The following USP20 variants were observed in gnomAD, a reference collection of about 807,000 sequenced individuals.
The protein encoded by USP20 is ubiquitin carboxyl-terminal hydrolase 20.
In USP20, 80 loss-of-function variants were observed where a neutral mutation model predicts 124.2. That is an observed-to-expected ratio of 0.64 (90% CI 0.54 to 0.78). The LOEUF is 0.78. USP20 is among the 30% of genes least tolerant of loss of function. The probability of loss-of-function intolerance (pLI) is 0.00; values close to 1 mark genes in which losing one functional copy is unlikely to be tolerated. For synonymous variants in USP20, 481 were observed against 512.3 expected, an observed-to-expected ratio of 0.94 and a Z score of 0.83; for missense variants, 1,043 against 1,244.4, an observed-to-expected ratio of 0.84 and a Z score of 2.44.
chr9:129,869,515 C>A, intron 13 of USP20, 90 bp downstream of exon 13: 1 of 1,528,672 alleles, frequency 6.5e-7, no homozygotes. Flanking sequence ...GGGCTCTCCA[C>A]GGGTGCTCCC....
intron 4 of USP20, 38 bp from the exon 5 acceptor site, chr9:129,858,012 G>A: frequency 1.3e-6 from 2 of 1,588,048 alleles, no homozygotes; most frequent in Non-Finnish European, 1.7e-6. Context: ...CCATCCTTTT[G>A]GCAAGCTCCA....
In USP20 at chr9:129,873,680, G is replaced by T. The variant is rs1410890615; in HGVS notation, c.1695-19G>T. 1.9e-6 allele frequency: 3 copies of T among 1,613,696 alleles called. No homozygotes were observed. The highest frequency in any genetic ancestry group is 1.1e-5 in the South Asian group (1 of 91,086). The stretch of plus-strand genomic sequence containing the variant: ...GCCCTGATGCCGGACACTGATGCTG[G>T]CTCGTGCTTCCTCCCCAGGCTGCGG... On this transcript the variant is annotated intron_variant, in intron 16 of 25. Transcript: ENST00000372429.
In USP20 at chr9:129,863,039, G is replaced by A. The variant is rs1449515191; in HGVS notation, c.498-147G>A. The stretch of plus-strand genomic sequence containing the variant: ...TACAATTTTCTCATAACTGGTAGGA[G>A]CCTTCTAGTCACCTTCAGGAGTTTC... On this transcript the variant is annotated intron_variant, in intron 8 of 25. Transcript: ENST00000372429. 8 of 462,992 alleles carry A rather than the reference G, an allele frequency of 1.7e-5. No homozygotes were observed. The South Asian group carries it at 4.3e-4, about 25-fold the overall frequency. The allele number at this position is 462,992 out of a possible 1,614,324, so 28.7% of individuals were successfully genotyped here. A position where few individuals can be genotyped will look rare whatever the true frequency, so the allele number is the denominator to read the frequency against.
intron 10 of USP20, among the ~76,000 whole-genome samples, chr9:129,867,549 A>G (rs2033878827): frequency 6.6e-6 from 1 of 151,674 alleles, no homozygotes; most frequent in East Asian, 1.9e-4. Flanking sequence ...TTGGGGCAGG[A>G]CTCGGGTGAG....
In USP20 at chr9:129,879,602, A is replaced by G. The variant is rs1463540251; in HGVS notation, c.2542A>G (p.Ile848Val). Reference sequence around the variant, plus strand: ...CCCCGGGCCCATTGACAACAGCAGGATTGCACAGGTCAAAGGAAGCGGCCA... The same window carrying G: ...CCCCGGGCCCATTGACAACAGCAGGGTTGCACAGGTCAAAGGAAGCGGCCA... ...EPPGPIDNSR[I>V]AQVKGSGHVQ... The change falls in exon 24 of 26, where the codon ATT becomes GTT. Residue 848 changes from isoleucine (I) to valine (V), a missense_variant. Transcript: ENST00000372429. The surrounding 1 kb of genome is among the most constrained non-coding windows in gnomAD (Gnocchi z 4.2). 4 of 1,613,672 alleles carry G rather than the reference A, an allele frequency of 2.5e-6. No homozygotes were observed. Among genetic ancestry groups the G allele is most frequent in the Non-Finnish European group, 3.4e-6 (4 of 1,179,990 alleles).
chr9:129,868,207 A>G lies in USP20; in HGVS notation c.893A>G (p.Gln298Arg). The change falls in exon 11 of 26, where the codon CAG becomes CGG. Residue 298 changes from glutamine (Q) to arginine (R), a missense_variant. Gln to Arg is a conservative substitution (Grantham distance 43). Transcript: ENST00000372429. ...SSSDRGEGDGQGRGGGSSQAE... is the reference protein window; with the variant it reads ...SSSDRGEGDGRGRGGGSSQAE... ...AGTGACCGGGGTGAGGGTGACGGGC[A>G]GGGGCGTGGCGGGGGCAGCTCGCAG... is the stretch of plus-strand genomic sequence containing the variant. 6.2e-7 allele frequency: 1 copy of G among 1,613,946 alleles called. No individual in the cohort carries two copies. Among genetic ancestry groups the G allele is most frequent in the Non-Finnish European group, 8.5e-7 (1 of 1,179,906 alleles).
At chr9:129,863,617 C>T (rs72755298) in intron 9 of USP20, among the ~76,000 whole-genome samples, 2,035 of 152,292 alleles carry the variant, frequency 0.013, 35 homozygotes, top group South Asian at 0.064. Context: ...CATGGTGACC[C>T]GGCCTCAGCC....
At chr9:129,863,562 G>A (rs1041238713) in intron 9 of USP20, among the ~76,000 whole-genome samples, 3 of 152,338 alleles carry the variant, frequency 2.0e-5, no homozygotes, top group Admixed American at 2.0e-4. Context: ...TTGACCTACT[G>A]TTGACCCTAC....
At chr9:129,847,941 G>A (rs997584215) in intron 1 of USP20, among the ~76,000 whole-genome samples, 150 of 139,716 alleles carry the variant, frequency 1.1e-3, no homozygotes, top group African/African-American at 4.0e-3. Flanking sequence ...CTCTAAATCC[G>A]ACTCATGATT....
chr9:129,872,807 C>G (rs10116970), intron 15 of USP20, among the ~76,000 whole-genome samples: 129,689 of 152,034 alleles, frequency 0.85, 56,175 homozygotes, highest in East Asian at 1. Context: ...GAGCCTAGGA[C>G]TTTGGGACCA....
At chr9:129,851,309 G>C (rs2032908567) in intron 2 of USP20, among the ~76,000 whole-genome samples, 1 of 147,150 alleles carries the variant, frequency 6.8e-6, no homozygotes, top group Admixed American at 6.8e-5. Context: ...ACCCAGGCTG[G>C]AGTGCAGTGG....
At position 129,878,399 on chromosome 9, in the gene USP20, G is replaced by A. The variant is rs753426633; in HGVS notation, c.2471G>A (p.Trp824Ter). The change falls in exon 23 of 26, where the codon TGG becomes TAG. Residue 824 changes from tryptophan (W) to a stop codon, truncating the protein, a stop_gained. Coordinates refer to ENST00000372429, the MANE Select transcript of USP20 (RefSeq NM_001110303.4). LOFTEE classifies it high-confidence loss of function. ...GTCATCTACTGCATCAGCATGCAGT[G>A]GTTCCGGGAGTGGGAGGCGTTCGTC... ...PGVIYCISMQ[W>*]FREWEAFVKG... is the part of the protein sequence containing the mutation. 6 of 1,610,528 alleles carry A rather than the reference G, an allele frequency of 3.7e-6. No homozygotes were observed. The highest frequency in any genetic ancestry group is 5.1e-6 in the Non-Finnish European group (6 of 1,178,266).
At chr9:129,860,599 C>T (rs543332044) in intron 6 of USP20, among the ~76,000 whole-genome samples, 2 of 152,202 alleles carry the variant, frequency 1.3e-5, no homozygotes, top group East Asian at 3.9e-4. Context: ...GTGCATGCAC[C>T]TGTAGTCTCA....
Position 129,868,108 on chromosome 9 carries a change from C to A in USP20, c.794C>A (p.Ser265Ter). ...VALTEARDSDSSDTDEKREGD... is the reference protein window; with the variant it reads ...VALTEARDSD ...CTGACGGAGGCTCGGGACTCAGATT[C>A]GAGTGACACGGATGAGAAACGGGAG... The change falls in exon 11 of 26, where the codon TCG becomes TAG. Residue 265 changes from serine to a stop codon, truncating the protein, a stop_gained. Coordinates refer to ENST00000372429, the MANE Select transcript of USP20 (RefSeq NM_001110303.4). LOFTEE classifies it high-confidence loss of function. 6.2e-7 allele frequency: 1 copy of A among 1,614,112 alleles called. No individual in the cohort carries two copies. Among genetic ancestry groups the A allele is most frequent in the Non-Finnish European group, 8.5e-7 (1 of 1,180,024 alleles).
chr9:129,878,764 A>C (rs373280572), intron 23 of USP20, among the ~76,000 whole-genome samples: 2 of 151,860 alleles, frequency 1.3e-5, no homozygotes, highest in African/African-American at 4.8e-5. Flanking sequence ...TTGTCATCTG[A>C]CTCCTTGGAT....
intron 8 of USP20, among the ~76,000 whole-genome samples, chr9:129,862,812 A>G (rs2033617282): frequency 6.6e-6 from 1 of 152,000 alleles, no homozygotes; most frequent in Non-Finnish European, 1.5e-5. Flanking sequence ...AGGCTAAGGC[A>G]GGAGAAGCAC....
chr9:129,851,349 TC>T (rs1433244241), intron 2 of USP20, among the ~76,000 whole-genome samples: 1 of 150,246 alleles, frequency 6.7e-6, no homozygotes, highest in Non-Finnish European at 1.5e-5. Flanking sequence ...AGCCTTGAAC[TC>T]CTGGGCTCAC....
At chr9:129,870,996 C>T (rs1000770890) in intron 15 of USP20, among the ~76,000 whole-genome samples, 5 of 151,834 alleles carry the variant, frequency 3.3e-5, no homozygotes, top group South Asian at 2.1e-4. Flanking sequence ...TTTTCAATTG[C>T]GATAAAATAC....
At position 129,868,368 on chromosome 9, in the gene USP20, A is replaced by G; in HGVS notation, c.1054A>G (p.Thr352Ala). The change falls in exon 11 of 26, where the codon ACT becomes GCT. Residue 352 changes from threonine to alanine, a missense_variant. Thr to Ala is a moderately conservative substitution (Grantham distance 58, BLOSUM62 0). Coordinates refer to ENST00000372429, the MANE Select transcript of USP20 (RefSeq NM_001110303.4). ...AGTGGACGAGGACGCTGATGTGGAC[A>G]CTGCCATGGCTGCCCTTGACGACCA... ...EQVDEDADVD[T>A]AMAALDDQPA... 1 of 1,579,058 alleles carries G rather than the reference A, an allele frequency of 6.3e-7. No individual in the cohort carries two copies. Among genetic ancestry groups the G allele is most frequent in the Non-Finnish European group, 8.6e-7 (1 of 1,166,748 alleles).
Sources: allele counts gnomAD v4.1 joint callset (sites outside exome capture counted in the v4.1 genomes callset), GRCh38; gene constraint gnomAD v4.1.1; non-coding constraint Gnocchi (gnomAD v3.1); transcripts MANE v1.5; gene names NCBI Gene and HGNC (gene_info 2026-07-23, HGNC 2026-07-21).